The following RNF19A variants were observed in gnomAD, a reference collection of about 807,000 sequenced individuals.
RNF19A encodes ring finger protein 19A, RBR E3 ubiquitin protein ligase.
Under a neutral mutation model 75.7 loss-of-function variants are expected in RNF19A, and 32 were observed. The ratio of observed to expected loss-of-function variants is 0.42; its 90% CI spans 0.32 to 0.57. The LOEUF (loss-of-function observed/expected upper bound fraction) is 0.57, where lower values mean the gene tolerates loss of function less well. RNF19A is among the 20% of genes least tolerant of loss of function. RNF19A has a pLI of 0.10. For synonymous variants in RNF19A, 335 were observed against 345.2 expected, an observed-to-expected ratio of 0.97 and a Z score of 0.33; for missense variants, 782 against 1,036.3, an observed-to-expected ratio of 0.75 and a Z score of 3.37.
chr8:100,331,809 A>G lies in RNF19A; in HGVS notation c.-243+4299T>C, dbSNP rs1053301968. 2.0e-5 allele frequency among the ~76,000 whole-genome samples: 3 copies of G among 152,204 alleles called. No homozygotes were observed. Among genetic ancestry groups the G allele is most frequent in the Non-Finnish European group, 4.4e-5 (3 of 68,040 alleles). ...TCAAAAGCAAGTCTGTGCACATACAAATAAATCTATATATATCCTCCCCAG... is the reference window on the plus strand; with the variant it reads ...TCAAAAGCAAGTCTGTGCACATACAGATAAATCTATATATATCCTCCCCAG... On this transcript the variant is annotated intron_variant, in intron 1 of 3. Coordinates refer to the RNF19A transcript ENST00000519527. This position sits in a 1 kb window ranked among gnomAD's most constrained non-coding sequence, Gnocchi z 5.2.
chr8:100,292,208 TA>T (rs944787971), intron 1 of RNF19A, among the ~76,000 whole-genome samples: 7 of 151,918 alleles, frequency 4.6e-5, no homozygotes, highest in South Asian at 2.1e-4. Context: ...TAATAAAGAA[TA>T]AAAAAAACAA....
chr8:100,274,896 T>C (rs551340374), intron 3 of RNF19A, 57 bp downstream of exon 3: 37 of 1,401,098 alleles, frequency 2.6e-5, no homozygotes, highest in Non-Finnish European at 3.2e-5. Flanking sequence ...TTTAAAAAGT[T>C]AAAATAACTA....
Position 100,324,363 on chromosome 8 carries a change from G to T in RNF19A, c.-242-10991C>A, listed in dbSNP as rs557106525. On this transcript the variant is annotated intron_variant, in intron 1 of 3. Coordinates refer to the RNF19A transcript ENST00000519527. This position sits in a 1 kb window ranked among gnomAD's most constrained non-coding sequence, Gnocchi z 4.2. Reference sequence around the variant, plus strand: ...AAGAGTTTGGATGACTAAAGTTGATGATTAATCACAAAGAAGTATTTCTTT... The same window carrying T: ...AAGAGTTTGGATGACTAAAGTTGATTATTAATCACAAAGAAGTATTTCTTT... Among the ~76,000 whole-genome samples, 24 of 152,308 alleles carry T rather than the reference G, an allele frequency of 1.6e-4. No homozygotes were observed. Among genetic ancestry groups the T allele is most frequent in the Non-Finnish European group, 3.2e-4 (22 of 68,030 alleles).
intron 1 of RNF19A, among the ~76,000 whole-genome samples, chr8:100,289,863 A>G (rs1821206373): frequency 6.6e-6 from 1 of 152,216 alleles, no homozygotes; most frequent in African/African-American, 2.4e-5. Context: ...AGCATTAGTA[A>G]TAATATTCAA....
At chr8:100,267,246 A>C (rs1273807526) in intron 5 of RNF19A, among the ~76,000 whole-genome samples, 1 of 152,254 alleles carries the variant, frequency 6.6e-6, no homozygotes, top group Non-Finnish European at 1.5e-5. Context: ...AACTGAAGAT[A>C]TATTACATAA....
intron 2 of RNF19A, among the ~76,000 whole-genome samples, chr8:100,282,098 A>G (rs1820804634): frequency 6.6e-6 from 1 of 152,188 alleles, no homozygotes; most frequent in Non-Finnish European, 1.5e-5. Flanking sequence ...TTAGGGATGA[A>G]GTGTTAGCCA....
Position 100,287,700 on chromosome 8 carries a change from A to G in RNF19A, c.475T>C (p.Leu159=), listed in dbSNP as rs1821088131. Reference sequence around the variant, plus strand: ...ATTTCTATCCTTAAATATTGTCGTAAGCAATCCACACAAGATCTGTGATGA... The same window carrying G: ...ATTTCTATCCTTAAATATTGTCGTAGGCAATCCACACAAGATCTGTGATGA... ...TCHHRSCVDC[L]RQYLRIEISE... The change falls in exon 2 of 10, where the codon TTA becomes CTA. Residue 159 remains leucine (L), a synonymous_variant. Coordinates refer to ENST00000341084, the MANE Select transcript of RNF19A (RefSeq NM_183419.4). This position sits in a 1 kb window ranked among gnomAD's most constrained non-coding sequence, Gnocchi z 4.1. The G allele has an allele frequency of 1.2e-6, 2 of 1,614,066 alleles. No individual in the cohort carries two copies. The highest frequency in any genetic ancestry group is 4.5e-5 in the East Asian group (2 of 44,880).
Position 100,259,815 on chromosome 8 carries a change from T to C in RNF19A, c.1826+39A>G. 2 of 1,559,838 alleles carry C rather than the reference T, an allele frequency of 1.3e-6. No homozygotes were observed. The highest frequency in any genetic ancestry group is 8.8e-7 in the Non-Finnish European group (1 of 1,140,662). On this transcript the variant is annotated intron_variant, in intron 9 of 9. Transcript: ENST00000341084. This position sits in a 1 kb window ranked among gnomAD's most constrained non-coding sequence, Gnocchi z 4.5. ...AATGATAGGAATTATTCCTTTAATT[T>C]AAAAAATACTTTCAATTTTTTAACA...
At chr8:100,315,232 G>A (rs538851342) in intron 1 of RNF19A, among the ~76,000 whole-genome samples, 123 of 152,254 alleles carry the variant, frequency 8.1e-4, no homozygotes, top group African/African-American at 2.8e-3. Flanking sequence ...AGGGTGCAGT[G>A]AGCCAAGATC....
chr8:100,300,649 T>A (rs1055110313), intron 1 of RNF19A: 3 of 151,650 alleles, frequency 2.0e-5, no homozygotes, highest in African/African-American at 7.3e-5. Flanking sequence ...TGAGGCCCTG[T>A]CTCTGAAAAA....
Position 100,257,922 on chromosome 8 carries a change from AAAC to A in RNF19A, c.*631_*633del, listed in dbSNP as rs1819530282. ...TTTCCTCTAAGATGGCATCAACAAT[AAAC>A]AAGATAGAGTACCAGGTATTTCTAT... On this transcript the variant is annotated 3_prime_UTR_variant, in exon 10 of 10. Coordinates refer to ENST00000341084, the MANE Select transcript of RNF19A (RefSeq NM_183419.4). The A allele has an allele frequency of 2.5e-6, 1 of 398,392 alleles. No individual in the cohort carries two copies. The highest frequency in any genetic ancestry group is 4.4e-5 in the Admixed American group (1 of 22,712). 24.7% of individuals were successfully genotyped at this position (398,392 alleles called of 1,614,324 possible). A position where few individuals can be genotyped will look rare whatever the true frequency, so the allele number is the denominator to read the frequency against.
At chr8:100,297,370 T>C (rs1392374048) in intron 1 of RNF19A, among the ~76,000 whole-genome samples, 8 of 152,234 alleles carry the variant, frequency 5.3e-5, no homozygotes, top group African/African-American at 1.7e-4. Context: ...AAAGGACCTC[T>C]CTGTATCATC....
At chr8:100,302,475 T>C (rs537268257) in intron 1 of RNF19A, among the ~76,000 whole-genome samples, 2 of 152,338 alleles carry the variant, frequency 1.3e-5, no homozygotes, top group African/African-American at 4.8e-5. Flanking sequence ...TTTTTAGACA[T>C]TTATACTTGA....
intron 1 of RNF19A, among the ~76,000 whole-genome samples, chr8:100,288,517 A>G (rs1821138825): frequency 6.6e-6 from 1 of 152,192 alleles, no homozygotes; most frequent in African/African-American, 2.4e-5. Flanking sequence ...TCTGGTCATT[A>G]TCACTCTGAC....
chr8:100,304,564 T>C (rs1331443859), intron 1 of RNF19A, among the ~76,000 whole-genome samples: 2 of 152,240 alleles, frequency 1.3e-5, no homozygotes, highest in Non-Finnish European at 2.9e-5. Flanking sequence ...TTCATGATTT[T>C]ATTTAAGGAT....
chr8:100,312,666 G>A (rs533632041), upstream of RNF19A, among the ~76,000 whole-genome samples: 4 of 152,348 alleles, frequency 2.6e-5, no homozygotes, highest in South Asian at 6.2e-4. Flanking sequence ...GCTCACGCCT[G>A]TAATCCCGGC....
At chr8:100,298,317 C>T (rs983543577) in intron 1 of RNF19A, among the ~76,000 whole-genome samples, 5 of 151,834 alleles carry the variant, frequency 3.3e-5, no homozygotes, top group Non-Finnish European at 5.9e-5. Flanking sequence ...TTAAAGTACA[C>T]GAATTTCTCA....
At chr8:100,301,239 G>C (rs1481680926) in intron 1 of RNF19A, among the ~76,000 whole-genome samples, 1 of 152,198 alleles carries the variant, frequency 6.6e-6, no homozygotes, top group Non-Finnish European at 1.5e-5. Context: ...CTATTGCACA[G>C]CACTGGTCTA....
intron 1 of RNF19A, among the ~76,000 whole-genome samples, chr8:100,295,581 T>A (rs922861815): frequency 2.0e-5 from 3 of 152,186 alleles, no homozygotes; most frequent in Non-Finnish European, 4.4e-5. Context: ...AAGGGAAATA[T>A]CTGTCTTTGT....
Sources: allele counts gnomAD v4.1 joint callset (sites outside exome capture counted in the v4.1 genomes callset), GRCh38; gene constraint gnomAD v4.1.1; non-coding constraint Gnocchi (gnomAD v3.1); transcripts MANE v1.5; gene names NCBI Gene and HGNC (gene_info 2026-07-23, HGNC 2026-07-21).